BMPR1B: variants seen among roughly 807,000 people sequenced by gnomAD.
BMPR1B encodes the protein bone morphogenetic protein receptor type 1B.
Under a neutral mutation model 59.1 loss-of-function variants are expected in BMPR1B, and 12 were observed. The ratio of observed to expected loss-of-function variants is 0.20; its 90% CI spans 0.13 to 0.33. The LOEUF (loss-of-function observed/expected upper bound fraction) is 0.33, where lower values mean the gene tolerates loss of function less well. Among genes scored for constraint, BMPR1B ranks in the 10% least tolerant of loss-of-function variants. The probability of loss-of-function intolerance (pLI) is 1.00; values close to 1 mark genes in which losing one functional copy is unlikely to be tolerated. For missense variants in BMPR1B, 550 were observed against 610.9 expected (o/e 0.90, Z 1.05); for synonymous variants, 237 against 207.3 (o/e 1.14, Z -1.23).
At chr4:94,788,908 A>G (rs1722855198) in intron 1 of BMPR1B, among the ~76,000 whole-genome samples, 1 of 152,088 alleles carries the variant, frequency 6.6e-6, no homozygotes, top group Non-Finnish European at 1.5e-5. Flanking sequence ...CATAACTGTG[A>G]TTGTCTGCTT....
At chr4:94,809,580 A>C (rs1723737888) in intron 1 of BMPR1B, among the ~76,000 whole-genome samples, 1 of 152,146 alleles carries the variant, frequency 6.6e-6, no homozygotes, top group African/African-American at 2.4e-5. Flanking sequence ...TTTAGTACTA[A>C]ATATTCTCAT....
intron 3 of BMPR1B, among the ~76,000 whole-genome samples, chr4:95,080,245 C>T (rs1579044051): frequency 6.6e-6 from 1 of 152,030 alleles, no homozygotes; most frequent in Admixed American, 6.6e-5. Context: ...TACATATGTA[C>T]GTATGTATGT....
At chr4:94,931,971 A>G (rs1423521353) in intron 2 of BMPR1B, among the ~76,000 whole-genome samples, 1 of 152,132 alleles carries the variant, frequency 6.6e-6, no homozygotes, top group African/African-American at 2.4e-5. Flanking sequence ...GCAAGGGAAA[A>G]GGTTGATGTT....
chr4:94,905,896 ATTC>A (rs1383750854), intron 2 of BMPR1B, among the ~76,000 whole-genome samples: 1 of 148,866 alleles, frequency 6.7e-6, no homozygotes, highest in Non-Finnish European at 1.5e-5. Flanking sequence ...AAATAGTGGA[ATTC>A]TTCTTTTGTT....
At chr4:95,094,728 C>T (rs187489735) in intron 3 of BMPR1B, among the ~76,000 whole-genome samples, 5 of 152,160 alleles carry the variant, frequency 3.3e-5, no homozygotes, top group East Asian at 1.9e-4. Flanking sequence ...TACCCTACAT[C>T]GTCATCAAGT....
intron 4 of BMPR1B, among the ~76,000 whole-genome samples, chr4:95,106,608 G>T (rs1731214525): frequency 6.6e-6 from 1 of 152,006 alleles, no homozygotes. Context: ...AAAGAGGACA[G>T]ATGAAAAGAA....
intron 10 of BMPR1B, among the ~76,000 whole-genome samples, chr4:95,146,545 A>G (rs1257469731): frequency 6.6e-6 from 1 of 152,202 alleles, no homozygotes. Context: ...CTGTGGTCAG[A>G]TTACACCTTT....
At chr4:94,978,619 G>A (rs996632524) in intron 2 of BMPR1B, among the ~76,000 whole-genome samples, 1 of 152,126 alleles carries the variant, frequency 6.6e-6, no homozygotes, top group Non-Finnish European at 1.5e-5. Flanking sequence ...ACGAGCATGG[G>A]AAATCATATA....
At chr4:94,879,083 G>A (rs1040733702) in intron 2 of BMPR1B, among the ~76,000 whole-genome samples, 25 of 152,102 alleles carry the variant, frequency 1.6e-4, no homozygotes, top group Admixed American at 1.4e-3. Context: ...CATGTGCCAT[G>A]TTGGTGTGCT....
rs10649707 is a variant in BMPR1B, at chr4:94,978,949, T to TACACACAC, written c.-112-17068_-112-17061dup. Among the ~76,000 whole-genome samples, 680 of 147,804 alleles carry TACACACAC rather than the reference T, an allele frequency of 4.6e-3. 5 individuals are homozygous for TACACACAC. The highest frequency in any genetic ancestry group is 0.014 in the Middle Eastern group (4 of 292). ...AGAGCAAGACACCATCACACATACA[T>TACACACAC]ACACACACACACACACACACACACA... On this transcript the variant is annotated intron_variant, in intron 2 of 12. Transcript: ENST00000515059.
intron 4 of BMPR1B, among the ~76,000 whole-genome samples, chr4:95,111,801 C>A (rs1156726602): frequency 6.6e-6 from 1 of 152,040 alleles, no homozygotes; most frequent in Non-Finnish European, 1.5e-5. Flanking sequence ...ACTTAAGGAG[C>A]CTAGAACCTG....
intron 3 of BMPR1B, among the ~76,000 whole-genome samples, chr4:95,010,263 C>G (rs987339702): frequency 6.6e-6 from 1 of 152,200 alleles, no homozygotes; most frequent in African/African-American, 2.4e-5. Flanking sequence ...GTACCTGCCA[C>G]TGTGTCATTC....
rs1735313058 is a variant in BMPR1B at position 95,154,954 on chromosome 4, G to C, written c.*281G>C. 1.4e-5 allele frequency: 5 copies of C among 366,524 alleles called. No individual in the cohort carries two copies. In the South Asian group the frequency reaches 1.7e-4, roughly 12 times the overall value. 22.7% of individuals were successfully genotyped at this position (366,524 alleles called of 1,614,324 possible). ...GCTTTCTAAGAAAGCCCTGTATTTT[G>C]TGATTGCCTTTTTTTTTTTTTAAGA... On this transcript the variant is annotated 3_prime_UTR_variant, in exon 13 of 13. Coordinates refer to ENST00000515059, the MANE Select transcript of BMPR1B (RefSeq NM_001203.3).
intron 1 of BMPR1B, among the ~76,000 whole-genome samples, chr4:94,778,266 A>T (rs1198202070): frequency 6.6e-6 from 1 of 152,098 alleles, no homozygotes; most frequent in Non-Finnish European, 1.5e-5. Context: ...ACTGGTTTTT[A>T]AAAAATAATT....
intron 2 of BMPR1B, among the ~76,000 whole-genome samples, chr4:94,960,828 G>A (rs896349610): frequency 2.0e-5 from 3 of 151,976 alleles, no homozygotes; most frequent in Non-Finnish European, 4.4e-5. Context: ...TATGACAGTA[G>A]ACAACTAGCC....
intron 2 of BMPR1B, among the ~76,000 whole-genome samples, chr4:94,913,989 T>A (rs1336473117): frequency 6.6e-6 from 1 of 152,178 alleles, no homozygotes; most frequent in Non-Finnish European, 1.5e-5. Context: ...CAGACATTAT[T>A]CAAATAATCA....
intron 2 of BMPR1B, among the ~76,000 whole-genome samples, chr4:94,975,357 G>GT (rs1177887549): frequency 0.022 from 2,094 of 93,870 alleles, 70 homozygotes; most frequent in African/African-American, 0.054. Flanking sequence ...ATTTCCTTTT[G>GT]TTTTTGTTTT....
rs899754612 is a variant in BMPR1B, at chr4:95,156,058, T to G, written c.*1385T>G. On this transcript the variant is annotated 3_prime_UTR_variant, in exon 13 of 13. Coordinates refer to ENST00000515059, the MANE Select transcript of BMPR1B (RefSeq NM_001203.3). The stretch of plus-strand genomic sequence containing the variant: ...AGTGATGCTCAATTCACTATTTAAT[T>G]TATTATATTTTCTCTTCTGTGGCAC... 6 of 152,284 alleles carry G rather than the reference T, an allele frequency of 3.9e-5. No homozygotes were observed. The highest frequency in any genetic ancestry group is 3.9e-4 in the Admixed American group (6 of 15,302). The allele number at this position is 152,284 out of a possible 1,614,324, so 9.4% of individuals were successfully genotyped here. A position where few individuals can be genotyped will look rare whatever the true frequency, so the allele number is the denominator to read the frequency against.
At chr4:94,953,797 T>A (rs1730041713) in intron 2 of BMPR1B, among the ~76,000 whole-genome samples, 1 of 152,222 alleles carries the variant, frequency 6.6e-6, no homozygotes, top group African/African-American at 2.4e-5. Flanking sequence ...ATTTGAATGT[T>A]GGCCTGTCTT....
Sources: allele counts gnomAD v4.1 joint callset (sites outside exome capture counted in the v4.1 genomes callset), GRCh38; gene constraint gnomAD v4.1.1; transcripts MANE v1.5; gene names NCBI Gene and HGNC (gene_info 2026-07-23, HGNC 2026-07-21).